The following PRKAG2 variants were observed in gnomAD, a reference collection of about 807,000 sequenced individuals.
PRKAG2 encodes 5'-AMP-activated protein kinase subunit gamma-2.
A neutral mutation model predicts 69.6 loss-of-function variants in PRKAG2; 26 were observed. That is an observed-to-expected ratio of 0.37 (90% CI 0.27 to 0.52). The LOEUF is 0.52. Ranked by LOEUF, PRKAG2 falls within the 20% of genes least tolerant of loss-of-function variation. The probability of loss-of-function intolerance (pLI) is 0.90; values close to 1 mark genes in which losing one functional copy is unlikely to be tolerated. For synonymous variants in PRKAG2, 293 were observed against 285.0 expected (o/e 1.03, Z -0.28); for missense variants, 557 against 740.0 (o/e 0.75, Z 2.87).
chr7:151,611,728 C>A (rs1818917897), intron 5 of PRKAG2, among the ~76,000 whole-genome samples: 1 of 152,106 alleles, frequency 6.6e-6, no homozygotes, highest in Admixed American at 6.6e-5. Flanking sequence ...AGATCTCACA[C>A]TCATCATCTC....
chr7:151,820,589 A>C, intron 1 of PRKAG2, among the ~76,000 whole-genome samples: 1 of 108,050 alleles, frequency 9.3e-6, no homozygotes, highest in Non-Finnish European at 2.0e-5. Context: ...GGCACACTCT[A>C]CTCGGAACAC....
At chr7:151,627,691 A>ATTTTGT (rs1018203501) in intron 5 of PRKAG2, among the ~76,000 whole-genome samples, 2 of 152,282 alleles carry the variant, frequency 1.3e-5, no homozygotes, top group African/African-American at 4.8e-5. Flanking sequence ...CGTTGTTGTC[A>ATTTTGT]TTTTGTTTTT....
intron 5 of PRKAG2, among the ~76,000 whole-genome samples, chr7:151,621,450 A>C (rs1821462171): frequency 6.6e-6 from 1 of 152,172 alleles, no homozygotes; most frequent in Non-Finnish European, 1.5e-5. Flanking sequence ...CGGGAGGCTG[A>C]TGTGGAAGGA....
intron 3 of PRKAG2, among the ~76,000 whole-genome samples, chr7:151,690,070 G>A (rs1022204349): frequency 6.6e-6 from 1 of 152,182 alleles, no homozygotes; most frequent in Non-Finnish European, 1.5e-5. Flanking sequence ...TTTCAAAGAC[G>A]ATCTGGAATC....
intron 6 of PRKAG2, among the ~76,000 whole-genome samples, chr7:151,590,892 G>A (rs571476437): frequency 4.8e-4 from 73 of 152,340 alleles, no homozygotes; most frequent in Middle Eastern, 3.4e-3. Context: ...GCACGCAGCC[G>A]GCAGTGGCTC....
At chr7:151,718,280 G>T (rs1006181587) in intron 3 of PRKAG2, among the ~76,000 whole-genome samples, 8 of 123,598 alleles carry the variant, frequency 6.5e-5, no homozygotes, top group African/African-American at 3.2e-4. Context: ...GTGGGTGGAG[G>T]GGGGGGTAGA....
At chr7:151,675,337 T>C (rs775941716) in intron 4 of PRKAG2, 83 bp downstream of exon 4, 2 of 1,362,940 alleles carry the variant, frequency 1.5e-6, no homozygotes, top group South Asian at 1.2e-5. Flanking sequence ...CGGCTGCAGA[T>C]AGACTGCTCA....
At position 151,556,589 on chromosome 7, in the gene PRKAG2, C is replaced by T. The variant is rs371404960; in HGVS notation, c.*612G>A. The T allele has an allele frequency of 6.6e-6, 1 of 152,610 alleles. No individual in the cohort carries two copies. The highest frequency in any genetic ancestry group is 1.9e-4 in the East Asian group (1 of 5,190). The allele number at this position is 152,610 out of a possible 1,614,324, so 9.5% of individuals were successfully genotyped here. A position where few individuals can be genotyped will look rare whatever the true frequency, so the allele number is the denominator to read the frequency against. On this transcript the variant is annotated 3_prime_UTR_variant, in exon 16 of 16. Coordinates refer to ENST00000287878, the MANE Select transcript of PRKAG2 (RefSeq NM_016203.4). Reference sequence around the variant, plus strand: ...CACCAAAAGATGTGTAAAAAAATTGCATGAAAGTAAAAATAAATAAAGCTG... The same window carrying T: ...CACCAAAAGATGTGTAAAAAAATTGTATGAAAGTAAAAATAAATAAAGCTG...
chr7:151,828,849 T>A lies in PRKAG2; in HGVS notation c.115-42308A>T, dbSNP rs982242131. ...TCACTTAAGCTCAGGAGTTTGAGGC[T>A]GCAGTGAGCTATGATCACACCAATG... On this transcript the variant is annotated intron_variant, in intron 1 of 15. Transcript: ENST00000287878. This position sits in a 1 kb window ranked among gnomAD's most constrained non-coding sequence, Gnocchi z 4.6. Among the ~76,000 whole-genome samples, 5 of 152,098 alleles carry A rather than the reference T, an allele frequency of 3.3e-5. No homozygotes were observed. The highest frequency in any genetic ancestry group is 4.8e-5 in the African/African-American group (2 of 41,412).
intron 3 of PRKAG2, among the ~76,000 whole-genome samples, chr7:151,729,670 C>T (rs1563541342): frequency 6.6e-6 from 1 of 152,164 alleles, no homozygotes; most frequent in Non-Finnish European, 1.5e-5. Flanking sequence ...TCAGCCTCAT[C>T]TCCTACCTGC....
chr7:151,740,273 C>T (rs2073787482), intron 3 of PRKAG2, among the ~76,000 whole-genome samples: 1 of 152,210 alleles, frequency 6.6e-6, no homozygotes, highest in Admixed American at 6.5e-5. Flanking sequence ...CCCTACATCC[C>T]TGCAGGGTTG....
At chr7:151,778,577 C>T (rs1417402098) in intron 3 of PRKAG2, among the ~76,000 whole-genome samples, 1 of 152,236 alleles carries the variant, frequency 6.6e-6, no homozygotes, top group Admixed American at 6.5e-5. Context: ...TGCTACATCC[C>T]AGCATTCCCC....
chr7:151,865,458 C>T (rs779498681), intron 1 of PRKAG2, among the ~76,000 whole-genome samples: 12 of 152,220 alleles, frequency 7.9e-5, no homozygotes, highest in African/African-American at 1.4e-4. Context: ...TAGCAGCAGA[C>T]GTGAACTGAC....
rs80296683 is a variant in PRKAG2 at position 151,716,832 on chromosome 7, G to A, written c.467-41195C>T. Among the ~76,000 whole-genome samples the A allele has an allele frequency of 5.2e-4, 79 of 152,320 alleles. 1 individual carries two copies. The East Asian group carries it at 9.3e-3, about 18-fold the overall frequency. The stretch of plus-strand genomic sequence containing the variant: ...CAGCTGCTCCAGCCCCCAAGCCCGC[G>A]TGGAGCAGAGATGGGTACACACCCC... On this transcript the variant is annotated intron_variant, in intron 3 of 15. Transcript: ENST00000287878.
At chr7:151,666,342 A>G (rs1000745896) in intron 4 of PRKAG2, among the ~76,000 whole-genome samples, 1 of 152,320 alleles carries the variant, frequency 6.6e-6, no homozygotes, top group East Asian at 1.9e-4. Flanking sequence ...AGGAGCTGCC[A>G]AGGATGAAAG....
intron 5 of PRKAG2, among the ~76,000 whole-genome samples, chr7:151,619,348 A>G (rs1293775752): frequency 6.6e-6 from 1 of 152,216 alleles, no homozygotes; most frequent in Non-Finnish European, 1.5e-5. Flanking sequence ...GGTACAGTGG[A>G]GCATCCATAA....
intron 4 of PRKAG2, chr7:151,675,084 C>T (rs1832694022): frequency 8.3e-6 from 3 of 361,244 alleles, no homozygotes; most frequent in Non-Finnish European, 1.6e-5. Context: ...CCACACCCAG[C>T]TAATTTTTGC....
intron 4 of PRKAG2, among the ~76,000 whole-genome samples, chr7:151,673,234 TC>T (rs1832354704): frequency 6.6e-6 from 1 of 152,210 alleles, no homozygotes; most frequent in South Asian, 2.1e-4. Flanking sequence ...CGTGGTTTTC[TC>T]GTCAAACCAC....
intron 5 of PRKAG2, among the ~76,000 whole-genome samples, chr7:151,602,194 TCAAG>T (rs1333744568): frequency 6.6e-6 from 1 of 152,222 alleles, no homozygotes; most frequent in Non-Finnish European, 1.5e-5. Flanking sequence ...ATCAGGGCAG[TCAAG>T]CATACATTCA....
Sources: allele counts gnomAD v4.1 joint callset (sites outside exome capture counted in the v4.1 genomes callset), GRCh38; gene constraint gnomAD v4.1.1; non-coding constraint Gnocchi (gnomAD v3.1); transcripts MANE v1.5; gene names NCBI Gene and HGNC (gene_info 2026-07-23, HGNC 2026-07-21).